Variants in CNTNAP2 observed in about 807,000 individuals in gnomAD.
The protein encoded by CNTNAP2 is contactin-associated protein-like 2.
Under a neutral mutation model 155.2 loss-of-function variants are expected in CNTNAP2, and 98 were observed. The observed-to-expected ratio is 0.63, with a 90% CI of 0.54 to 0.75. CNTNAP2 has a LOEUF of 0.75. Among genes scored for constraint, CNTNAP2 ranks in the 30% least tolerant of loss-of-function variants. The probability of loss-of-function intolerance (pLI) is 0.00; values close to 1 mark genes in which losing one functional copy is unlikely to be tolerated. For missense variants in CNTNAP2, 1,727 were observed against 1,688.1 expected, an observed-to-expected ratio of 1.02 and a Z score of -0.40; for synonymous variants, 651 against 631.2, an observed-to-expected ratio of 1.03 and a Z score of -0.47.
intron 1 of CNTNAP2, among the ~76,000 whole-genome samples, chr7:146,430,245 C>T (rs138947575): frequency 1.8e-3 from 271 of 150,756 alleles, no homozygotes; most frequent in African/African-American, 6.5e-3. Flanking sequence ...CATTAAGAAA[C>T]ACCAGTGCAT....
chr7:147,035,875 AAAT>A (rs201014752), intron 3 of CNTNAP2, among the ~76,000 whole-genome samples: 1 of 116,362 alleles, frequency 8.6e-6, no homozygotes, highest in Non-Finnish European at 2.0e-5. Flanking sequence ...GAGAAAAAAA[AAAT>A]GTTAGTTCAT....
chr7:147,370,066 C>T (rs1038574855), intron 9 of CNTNAP2, among the ~76,000 whole-genome samples: 6 of 152,148 alleles, frequency 3.9e-5, no homozygotes, highest in Non-Finnish European at 8.8e-5. Context: ...TAACATCTTC[C>T]GTATTTCCTA....
intron 1 of CNTNAP2, among the ~76,000 whole-genome samples, chr7:146,195,719 A>T (rs1798765561): frequency 3.3e-5 from 5 of 152,200 alleles, no homozygotes; most frequent in Admixed American, 3.3e-4. Flanking sequence ...AGCCCAGCAG[A>T]TACTGAGATA....
intron 20 of CNTNAP2, among the ~76,000 whole-genome samples, chr7:148,245,000 G>A (rs1020237463): frequency 7.9e-5 from 12 of 152,008 alleles, no homozygotes; most frequent in Admixed American, 5.9e-4. Context: ...ATCAGAATAT[G>A]CATTTGTATT....
intron 1 of CNTNAP2, among the ~76,000 whole-genome samples, chr7:146,678,736 A>G (rs1172147044): frequency 6.6e-6 from 1 of 152,196 alleles, no homozygotes; most frequent in African/African-American, 2.4e-5. Context: ...CCACATTAAC[A>G]ATCTCTCAAT....
chr7:147,142,557 A>C (rs1344967058), intron 8 of CNTNAP2, among the ~76,000 whole-genome samples: 2 of 152,048 alleles, frequency 1.3e-5, no homozygotes, highest in Non-Finnish European at 2.9e-5. Context: ...TGTCTCTGCC[A>C]GGCTTTGGTA....
chr7:147,734,394 G>C (rs926793571), intron 13 of CNTNAP2, among the ~76,000 whole-genome samples: 2 of 152,288 alleles, frequency 1.3e-5, no homozygotes, highest in East Asian at 1.9e-4. Flanking sequence ...TAAGCTTTTT[G>C]ATGTGCTGCT....
intron 8 of CNTNAP2, among the ~76,000 whole-genome samples, chr7:147,197,156 T>A (rs960118716): frequency 6.6e-6 from 1 of 152,180 alleles, no homozygotes; most frequent in Non-Finnish European, 1.5e-5. Context: ...AGTATAACTT[T>A]GTAACTTCAC....
intron 1 of CNTNAP2, among the ~76,000 whole-genome samples, chr7:146,170,183 C>T (rs1418842992): frequency 6.6e-6 from 1 of 151,892 alleles, no homozygotes; most frequent in African/African-American, 2.4e-5. Context: ...TGCACCACCA[C>T]ACCCAGCTAA....
intron 16 of CNTNAP2, 105 bp downstream of exon 16, chr7:148,118,393 C>A: frequency 7.8e-7 from 1 of 1,284,752 alleles, no homozygotes. Flanking sequence ...TGGAAGGTTT[C>A]CTTTGTTCCA....
At chr7:147,946,425 C>T (rs986893229) in intron 14 of CNTNAP2, among the ~76,000 whole-genome samples, 1 of 151,956 alleles carries the variant, frequency 6.6e-6, no homozygotes, top group Non-Finnish European at 1.5e-5. Flanking sequence ...CCAAGATATT[C>T]CCCCAAAATA....
At chr7:146,369,248 A>T (rs1405245620) in intron 1 of CNTNAP2, among the ~76,000 whole-genome samples, 1 of 151,762 alleles carries the variant, frequency 6.6e-6, no homozygotes, top group Non-Finnish European at 1.5e-5. Flanking sequence ...TAACTTTGAA[A>T]CCTAAATTTT....
intron 4 of CNTNAP2, among the ~76,000 whole-genome samples, chr7:147,074,283 TGGGTTCAG>T (rs1563066623): frequency 6.6e-6 from 1 of 152,124 alleles, no homozygotes; most frequent in Non-Finnish European, 1.5e-5. Flanking sequence ...GCCTATGCTA[TGGGTTCAG>T]ATAGGCAAGT....
chr7:147,517,104 A>G (rs1414961697), intron 11 of CNTNAP2, among the ~76,000 whole-genome samples: 1 of 151,488 alleles, frequency 6.6e-6, no homozygotes, highest in African/African-American at 2.4e-5. Context: ...TCCTGACCTC[A>G]AGTGATCTTC....
chr7:146,409,728 T>C (rs1795840413), intron 1 of CNTNAP2, among the ~76,000 whole-genome samples: 1 of 152,208 alleles, frequency 6.6e-6, no homozygotes, highest in Non-Finnish European at 1.5e-5. Flanking sequence ...TTTCTACCCT[T>C]CCACTAAGAT....
At chr7:147,446,459 T>C (rs1797742097) in intron 10 of CNTNAP2, among the ~76,000 whole-genome samples, 1 of 152,118 alleles carries the variant, frequency 6.6e-6, no homozygotes, top group Non-Finnish European at 1.5e-5. Flanking sequence ...CCATAAGTAA[T>C]GACATTTGAT....
At chr7:147,436,023 AT>A (rs769726991) in intron 10 of CNTNAP2, among the ~76,000 whole-genome samples, 4 of 152,190 alleles carry the variant, frequency 2.6e-5, no homozygotes, top group Non-Finnish European at 5.9e-5. Context: ...CCATTCAAAT[AT>A]CCCAATTTAT....
chr7:146,184,998 G>A (rs1465445890), intron 1 of CNTNAP2, among the ~76,000 whole-genome samples: 3 of 151,938 alleles, frequency 2.0e-5, no homozygotes, highest in East Asian at 1.9e-4. Flanking sequence ...AAATAAAAAC[G>A]AACATCCCAT....
chr7:147,616,544 C>A (rs148883320), intron 12 of CNTNAP2, among the ~76,000 whole-genome samples: 2,241 of 152,170 alleles, frequency 0.015, 169 homozygotes, highest in Admixed American at 0.13. Flanking sequence ...CATGGCCTTT[C>A]CATTTGCCAT....
Sources: allele counts gnomAD v4.1 joint callset (sites outside exome capture counted in the v4.1 genomes callset), GRCh38; gene constraint gnomAD v4.1.1; transcripts MANE v1.5; gene names NCBI Gene and HGNC (gene_info 2026-07-23, HGNC 2026-07-21).